Variants in MYO10 observed in about 807,000 individuals in gnomAD.
MYO10 encodes the protein myosin X, also known as unconventional myosin-X.
In MYO10, 133 loss-of-function variants were observed where a neutral mutation model predicts 257.3. The observed-to-expected ratio is 0.52, with a 90% confidence interval of 0.45 to 0.60. The LOEUF is 0.60. Ranked by LOEUF, MYO10 falls within the 20% of genes least tolerant of loss-of-function variation. The pLI is 0.00. For missense variants in MYO10, 2,399 were observed against 2,635.7 expected (o/e 0.91, Z 1.97); for synonymous variants, 1,104 against 1,028.6 (o/e 1.07, Z -1.40).
intron 3 of MYO10, among the ~76,000 whole-genome samples, chr5:16,811,239 T>G (rs1449440514): frequency 6.6e-6 from 1 of 152,158 alleles, no homozygotes; most frequent in Non-Finnish European, 1.5e-5. Flanking sequence ...TCCGGGATGT[T>G]TCTCAGCATC....
chr5:16,733,950 T>A (rs1438174343), intron 19 of MYO10, among the ~76,000 whole-genome samples: 1 of 152,130 alleles, frequency 6.6e-6, no homozygotes, highest in Non-Finnish European at 1.5e-5. Flanking sequence ...TCCCTCCTGC[T>A]ACCAGCAGGA....
At chr5:16,935,666 G>C (rs527736191) in intron 1 of MYO10, 122 bp downstream of exon 1, 2 of 1,156,210 alleles carry the variant, frequency 1.7e-6, no homozygotes, top group Non-Finnish European at 2.6e-6. Context: ...GTGATTTCAG[G>C]AGACTCCCAG....
At chr5:16,809,054 G>A (rs954898206) in intron 3 of MYO10, among the ~76,000 whole-genome samples, 18 of 152,088 alleles carry the variant, frequency 1.2e-4, no homozygotes, top group African/African-American at 3.4e-4. Flanking sequence ...ACTCTCATGT[G>A]CTGATGTGGA....
chr5:16,780,702 A>G lies in MYO10; in HGVS notation c.741+26T>C, dbSNP rs1741397226. 4.5e-6 allele frequency: 7 copies of G among 1,562,070 alleles called. No individual in the cohort carries two copies. In the East Asian group the frequency reaches 1.4e-4, roughly 31 times the overall value. Reference sequence around the variant, plus strand: ...CTGAAAATTGTTATTATGGAAGAAAATGTGGATTAAATCACGTTTACTTAC... The same window carrying G: ...CTGAAAATTGTTATTATGGAAGAAAGTGTGGATTAAATCACGTTTACTTAC... On this transcript the variant is annotated intron_variant, in intron 7 of 40. Transcript: ENST00000513610.
intron 2 of MYO10, among the ~76,000 whole-genome samples, chr5:16,852,756 TA>T (rs1289501241): frequency 6.6e-6 from 1 of 152,218 alleles, no homozygotes; most frequent in Admixed American, 6.5e-5. Context: ...TGGTCACACG[TA>T]AATGACACAG....
intron 1 of MYO10, among the ~76,000 whole-genome samples, chr5:16,919,470 T>G (rs191662655): frequency 0.069 from 10,479 of 152,248 alleles, 417 homozygotes; most frequent in African/African-American, 0.11. Context: ...TGGCCTCCTA[T>G]CCTGGCTCTA....
At chr5:16,865,811 G>GATAATAATA (rs5866211) in intron 2 of MYO10, among the ~76,000 whole-genome samples, 3,153 of 142,610 alleles carry the variant, frequency 0.022, 78 homozygotes, top group African/African-American at 0.064. Context: ...ACTCCGTCTC[G>GATAATAATA]ATAATAATAA....
chr5:16,913,628 C>G (rs78045193), intron 1 of MYO10, among the ~76,000 whole-genome samples: 11,088 of 152,248 alleles, frequency 0.073, 400 homozygotes, highest in African/African-American at 0.09. Flanking sequence ...TACAGAAACA[C>G]AGCCAACCCC....
intron 2 of MYO10, among the ~76,000 whole-genome samples, chr5:16,818,425 TAC>T (rs1561000958): frequency 7.6e-4 from 112 of 146,864 alleles, no homozygotes; most frequent in African/African-American, 2.5e-3. Flanking sequence ...TATATATATA[TAC>T]ACATATCTTT....
rs2126555990 is a variant in MYO10 at position 16,702,908 on chromosome 5, C to A, written c.2510+17G>T. ...AATGTATCCATTTGTTTCATCCCAG[C>A]AAGAAAGGTACTGTACCTTTCTTCT... On this transcript the variant is annotated intron_variant, in intron 23 of 40. Transcript: ENST00000513610. 1 of 1,539,578 alleles carries A rather than the reference C, an allele frequency of 6.5e-7. No individual in the cohort carries two copies. Among genetic ancestry groups the A allele is most frequent in the East Asian group, 2.4e-5 (1 of 40,838 alleles).
At position 16,681,962 on chromosome 5, in the gene MYO10, G is replaced by A. The variant is rs189624854; in HGVS notation, c.4098C>T (p.Ala1366=). 4.0e-5 allele frequency: 65 copies of A among 1,613,810 alleles called. No individual in the cohort carries two copies. The highest frequency in any genetic ancestry group is 2.5e-4 in the African/African-American group (19 of 75,004). Residue 1366 remains alanine (A), a synonymous_variant, in exon 31 of 41, where the codon GCC becomes GCT. Coordinates refer to ENST00000513610, the MANE Select transcript of MYO10 (RefSeq NM_012334.3). ...ITANRVLHCN[A]DTPEEMHHWI... ...AGTGGTGCATCTCCTCCGGCGTGTCGGCGTTGCAGTGCAGCACCCGGTTGG... is the reference window on the plus strand; with the variant it reads ...AGTGGTGCATCTCCTCCGGCGTGTCAGCGTTGCAGTGCAGCACCCGGTTGG...
chr5:16,761,465 G>A lies in MYO10; in HGVS notation c.1738C>T (p.Arg580Ter), dbSNP rs767281241. ...DDLLNLLRES[R>*]FDFIYDLFEH... ...TTCTCGGTGAGAAGACTGACATACC[G>A]GCTTTCTCTTAGCAAATTGAGAAGG... The change falls in exon 17 of 41, where the codon CGA becomes TGA. Residue 580 changes from arginine to a stop codon, truncating the protein, a stop_gained and splice_region_variant. Coordinates refer to ENST00000513610, the MANE Select transcript of MYO10 (RefSeq NM_012334.3). LOFTEE classifies it high-confidence loss of function. The A allele has an allele frequency of 8.7e-6, 14 of 1,609,096 alleles. No homozygotes were observed. The highest frequency in any genetic ancestry group is 2.2e-5 in the East Asian group (1 of 44,778).
At chr5:16,698,029 G>C (rs1320970735) in intron 26 of MYO10, among the ~76,000 whole-genome samples, 2 of 152,220 alleles carry the variant, frequency 1.3e-5, no homozygotes, top group Admixed American at 1.3e-4. Flanking sequence ...ACGAGTCAGA[G>C]TCAAGAACAG....
At chr5:16,840,711 T>C (rs571596140) in intron 2 of MYO10, among the ~76,000 whole-genome samples, 33 of 151,990 alleles carry the variant, frequency 2.2e-4, no homozygotes, top group Middle Eastern at 3.4e-3. Context: ...GCATTTTTGT[T>C]GTGCAATATG....
chr5:16,732,777 G>A (rs1399318090), intron 19 of MYO10, among the ~76,000 whole-genome samples: 1 of 152,164 alleles, frequency 6.6e-6, no homozygotes, highest in Admixed American at 6.6e-5. Flanking sequence ...ATCCAAAGCC[G>A]GGAAAGTGGT....
At chr5:16,899,506 G>A (rs900411598) in intron 1 of MYO10, among the ~76,000 whole-genome samples, 2 of 151,830 alleles carry the variant, frequency 1.3e-5, no homozygotes, top group Non-Finnish European at 2.9e-5. Context: ...GCGTTGTGGC[G>A]TGTGCCTGTA....
chr5:16,843,766 A>AT (rs535655823), intron 2 of MYO10, among the ~76,000 whole-genome samples: 149 of 151,826 alleles, frequency 9.8e-4, no homozygotes, highest in African/African-American at 3.3e-3. Flanking sequence ...AGAAAAAAAA[A>AT]TTTTTTTGAA....
chr5:16,662,394 GCTCCC>G lies in MYO10; in HGVS notation c.*4293_*4297del, dbSNP rs1736017220. 1 of 129,590 alleles carries G rather than the reference GCTCCC, an allele frequency of 7.7e-6. No individual in the cohort carries two copies. The highest frequency in any genetic ancestry group is 1.6e-5 in the Non-Finnish European group (1 of 64,498). The allele number at this position is 129,590 out of a possible 1,614,324, so 8.0% of individuals were successfully genotyped here. On this transcript the variant is annotated 3_prime_UTR_variant, in exon 41 of 41. Coordinates refer to ENST00000513610, the MANE Select transcript of MYO10 (RefSeq NM_012334.3). ...ACCAGAATGCAGTGGCACCATCATG[GCTCCC>G]TGCAGCTTTGACCTCCTGGGTTCAA... is the stretch of plus-strand genomic sequence containing the variant.
Position 16,664,373 on chromosome 5 carries a change from G to A in MYO10, c.*2319C>T, listed in dbSNP as rs1238218184. Reference sequence around the variant, plus strand: ...AGGGAATCCTGAGAGGTGAGCAGTAGAAAGAAGACTTCTGTCAAATTCTTT... The same window carrying A: ...AGGGAATCCTGAGAGGTGAGCAGTAAAAAGAAGACTTCTGTCAAATTCTTT... On this transcript the variant is annotated 3_prime_UTR_variant, in exon 41 of 41. Coordinates refer to ENST00000513610, the MANE Select transcript of MYO10 (RefSeq NM_012334.3). The A allele has an allele frequency of 6.6e-6, 1 of 152,192 alleles. No individual in the cohort carries two copies. 9.4% of individuals were successfully genotyped at this position (152,192 alleles called of 1,614,324 possible).
Sources: allele counts gnomAD v4.1 joint callset (sites outside exome capture counted in the v4.1 genomes callset), GRCh38; gene constraint gnomAD v4.1.1; transcripts MANE v1.5; gene names NCBI Gene and HGNC (gene_info 2026-07-23, HGNC 2026-07-21).